Variants in WNK1 observed in about 807,000 individuals in gnomAD.
WNK1 encodes the protein serine/threonine-protein kinase WNK1.
Under a neutral mutation model 222.8 loss-of-function variants are expected in WNK1, and 38 were observed. The ratio of observed to expected loss-of-function variants is 0.17; its 90% CI spans 0.13 to 0.22. The LOEUF (loss-of-function observed/expected upper bound fraction) is 0.22. Ranked by LOEUF, WNK1 falls within the 10% of genes least tolerant of loss-of-function variation. The probability of loss-of-function intolerance (pLI) is 1.00; values close to 1 mark genes in which losing one functional copy is unlikely to be tolerated. For missense variants in WNK1, 2,348 were observed against 2,918.4 expected, an observed-to-expected ratio of 0.80 and a Z score of 4.50; for synonymous variants, 1,090 against 1,092.9, an observed-to-expected ratio of 1.00 and a Z score of 0.05.
intron 1 of WNK1, among the ~76,000 whole-genome samples, chr12:772,293 G>A (rs1942603868): frequency 6.6e-6 from 1 of 152,100 alleles, no homozygotes; most frequent in Admixed American, 6.6e-5. Context: ...ATATTGTATG[G>A]TTGTACAGTT....
chr12:786,874 C>A lies in WNK1; in HGVS notation c.760-26768C>A, dbSNP rs1944360380. ...TCCACAGGTTTTTTGTAATAGAGAA[C>A]TTTAACGTACATTTATAGTAATAAT... On this transcript the variant is annotated intron_variant, in intron 1 of 27. Coordinates refer to ENST00000315939, the MANE Select transcript of WNK1 (RefSeq NM_018979.4). Among the ~76,000 whole-genome samples, 3 of 152,026 alleles carry A rather than the reference C, an allele frequency of 2.0e-5. No homozygotes were observed. In the South Asian group the frequency reaches 6.2e-4, roughly 31 times the overall value.
At position 827,670 on chromosome 12, in the gene WNK1, A is replaced by AG. The variant is rs757824094; in HGVS notation, c.1153+410dup. Among the ~76,000 whole-genome samples, 25 of 152,106 alleles carry AG rather than the reference A, an allele frequency of 1.6e-4. No individual in the cohort carries two copies. Among genetic ancestry groups the AG allele is most frequent in the Admixed American group, 3.9e-4 (6 of 15,268 alleles). On this transcript the variant is annotated intron_variant, in intron 3 of 27. Coordinates refer to ENST00000315939, the MANE Select transcript of WNK1 (RefSeq NM_018979.4). This position sits in a 1 kb window ranked among gnomAD's most constrained non-coding sequence, Gnocchi z 4.6. ...CAGCCTCCCGAGTAGCTGGGATTAC[A>AG]GGCATGCATCACCATGCCTGGCTAA... is the stretch of plus-strand genomic sequence containing the variant.
rs979434343 is a variant in WNK1 at position 878,449 on chromosome 12, G to T, written c.2373+88G>T. ...ATTTCCATGTAACTTGTCCTTTCAT[G>T]TGGATAGACTTCTACCTTTTCTTCT... On this transcript the variant is annotated intron_variant, in intron 10 of 27. Coordinates refer to ENST00000315939, the MANE Select transcript of WNK1 (RefSeq NM_018979.4). 47 of 1,421,354 alleles carry T rather than the reference G, an allele frequency of 3.3e-5. 1 individual carries two copies. Among genetic ancestry groups the T allele is most frequent in the Non-Finnish European group, 4.5e-5 (46 of 1,029,380 alleles). The allele number at this position is 1,421,354 out of a possible 1,614,324, so 88.0% of individuals were successfully genotyped here.
At chr12:762,056 A>T (rs1443677559) in intron 1 of WNK1, among the ~76,000 whole-genome samples, 1 of 108,232 alleles carries the variant, frequency 9.2e-6, no homozygotes, top group Non-Finnish European at 2.0e-5. Flanking sequence ...TTTATTTTTT[A>T]ATTTAATTTT....
At chr12:785,621 T>A (rs569632218) in intron 1 of WNK1, among the ~76,000 whole-genome samples, 5 of 152,022 alleles carry the variant, frequency 3.3e-5, no homozygotes, top group Non-Finnish European at 7.4e-5. Context: ...GTGATCTGGA[T>A]CTCCTGACCT....
In WNK1 at chr12:785,012, C is replaced by T. The variant is rs541805887; in HGVS notation, c.760-28630C>T. Among the ~76,000 whole-genome samples the T allele has an allele frequency of 5.3e-5, 8 of 152,126 alleles. No individual in the cohort carries two copies. The East Asian group carries it at 7.7e-4, about 15-fold the overall frequency. The stretch of plus-strand genomic sequence containing the variant: ...TCCCTTTCCTCTTTAATAGGTAGTT[C>T]GGATAACAAATTCTAGATTGGAAAT... On this transcript the variant is annotated intron_variant, in intron 1 of 27. Transcript: ENST00000315939.
At chr12:840,343 G>A (rs1351064783) in intron 4 of WNK1, among the ~76,000 whole-genome samples, 1 of 138,618 alleles carries the variant, frequency 7.2e-6, no homozygotes, top group African/African-American at 2.8e-5. Context: ...TGTTGCCCAT[G>A]CTGGTCTCAA....
intron 4 of WNK1, among the ~76,000 whole-genome samples, chr12:847,368 G>A (rs1449471224): frequency 1.3e-5 from 2 of 152,136 alleles, no homozygotes; most frequent in South Asian, 2.1e-4. Context: ...CTAATGGATT[G>A]TATGTATATA....
rs894726586 is a variant in WNK1, at chr12:827,841, A to G, written c.1153+579A>G. Reference sequence around the variant, plus strand: ...ACCCCGCCCAGCCAGCCATCTTTTCATTACACACTGTTGATACTTAACATT... The same window carrying G: ...ACCCCGCCCAGCCAGCCATCTTTTCGTTACACACTGTTGATACTTAACATT... On this transcript the variant is annotated intron_variant, in intron 3 of 27. Coordinates refer to ENST00000315939, the MANE Select transcript of WNK1 (RefSeq NM_018979.4). The surrounding 1 kb of genome is among the most constrained non-coding windows in gnomAD (Gnocchi z 4.6). Among the ~76,000 whole-genome samples the G allele has an allele frequency of 6.6e-6, 1 of 152,106 alleles. No homozygotes were observed. Among genetic ancestry groups the G allele is most frequent in the African/African-American group, 2.4e-5 (1 of 41,410 alleles).
intron 3 of WNK1, among the ~76,000 whole-genome samples, chr12:829,448 A>G (rs1431083576): frequency 6.6e-6 from 1 of 152,178 alleles, no homozygotes; most frequent in African/African-American, 2.4e-5. Flanking sequence ...TAAAAAATGT[A>G]TTGAATATCG....
At chr12:796,226 C>T (rs947877029) in intron 1 of WNK1, among the ~76,000 whole-genome samples, 3 of 151,954 alleles carry the variant, frequency 2.0e-5, no homozygotes, top group African/African-American at 7.3e-5. Flanking sequence ...TTATAATATA[C>T]ATTTTAAATT....
At chr12:899,845 T>A (rs1354290795) in intron 25 of WNK1, among the ~76,000 whole-genome samples, 1 of 138,078 alleles carries the variant, frequency 7.2e-6, no homozygotes, top group African/African-American at 2.6e-5. Context: ...ATTCAACACA[T>A]TTTCTAATAG....
chr12:903,118 C>T (rs527749992), intron 26 of WNK1, among the ~76,000 whole-genome samples: 1 of 152,328 alleles, frequency 6.6e-6, no homozygotes, highest in South Asian at 2.1e-4. Context: ...TTCCCTCACA[C>T]ATACCCCTGT....
intron 1 of WNK1, among the ~76,000 whole-genome samples, chr12:754,823 T>TA (rs1294125348): frequency 1.3e-5 from 2 of 152,054 alleles, no homozygotes; most frequent in African/African-American, 4.8e-5. Context: ...AAATAATTAT[T>TA]AAAAAAAGAC....
intron 8 of WNK1, among the ~76,000 whole-genome samples, chr12:865,992 T>C (rs1360874587): frequency 6.6e-6 from 1 of 152,174 alleles, no homozygotes; most frequent in Non-Finnish European, 1.5e-5. Flanking sequence ...GCATATATAG[T>C]ATGTATGACT....
intron 26 of WNK1, among the ~76,000 whole-genome samples, chr12:903,081 G>A (rs992101415): frequency 2.6e-5 from 4 of 152,312 alleles, no homozygotes; most frequent in South Asian, 2.1e-4. Context: ...GATTTAAAGC[G>A]AAGCATATGA....
chr12:767,929 T>A (rs561381194), intron 1 of WNK1, among the ~76,000 whole-genome samples: 244 of 152,264 alleles, frequency 1.6e-3, no homozygotes, highest in Non-Finnish European at 2.8e-3. Context: ...ACGACGTAAC[T>A]GAGAAGGACC....
In WNK1 at chr12:906,405, G is replaced by A. The variant is rs1028059597; in HGVS notation, c.6644-1442G>A. On this transcript the variant is annotated intron_variant, in intron 26 of 27. Transcript: ENST00000315939. ...GAAATAGAGTTCCTTCATCATAACCGCAAAGCTTCCTCCTCCCCTTTGCAC... is the reference window on the plus strand; with the variant it reads ...GAAATAGAGTTCCTTCATCATAACCACAAAGCTTCCTCCTCCCCTTTGCAC... 16 of 985,046 alleles carry A rather than the reference G, an allele frequency of 1.6e-5. No individual in the cohort carries two copies. In the African/African-American group the frequency reaches 2.1e-4, roughly 13 times the overall value. 61.0% of individuals were successfully genotyped at this position (985,046 alleles called of 1,614,324 possible).
intron 12 of WNK1, 71 bp from the exon 13 acceptor site, chr12:881,621 A>C: frequency 7.8e-7 from 1 of 1,274,100 alleles, no homozygotes; most frequent in Non-Finnish European, 1.1e-6. Context: ...GAAAAAAATA[A>C]GTAGATTATT....
Sources: gnomAD v4.1 joint callset for allele counts (sites outside exome capture counted in the v4.1 genomes callset) on GRCh38, gnomAD v4.1.1 for gene constraint, Gnocchi (gnomAD v3.1) non-coding constraint, MANE v1.5 for transcripts, NCBI Gene and HGNC (gene_info 2026-07-23, HGNC 2026-07-21) for gene names.